The following CANX variants were observed in gnomAD, a reference collection of about 807,000 sequenced individuals.
CANX encodes the protein epididymis secretory sperm binding protein.
In CANX, 14 loss-of-function variants were observed where a neutral mutation model predicts 75.7. The ratio of observed to expected loss-of-function variants is 0.19; its 90% confidence interval spans 0.12 to 0.29. CANX has a LOEUF of 0.29. Ranked by LOEUF, CANX falls within the 10% of genes least tolerant of loss-of-function variation. The pLI is 1.00. For synonymous variants in CANX, 227 were observed against 236.9 expected (o/e 0.96, Z 0.38); for missense variants, 567 against 713.2 (o/e 0.79, Z 2.34).
intron 7 of CANX, among the ~76,000 whole-genome samples, chr5:179,714,554 G>T (rs1777798464): frequency 6.8e-6 from 1 of 147,692 alleles, no homozygotes; most frequent in Admixed American, 6.8e-5. Context: ...GTCTCGCTCT[G>T]TCTCCCAGAC....
chr5:179,688,183 G>A (rs569916675), intron 1 of CANX, among the ~76,000 whole-genome samples: 4 of 141,928 alleles, frequency 2.8e-5, no homozygotes, highest in Non-Finnish European at 4.6e-5. Flanking sequence ...TCAGCCTCCC[G>A]AGTAGCTGGG....
chr5:179,720,604 G>A (rs1345763658), intron 10 of CANX, 44 bp downstream of exon 10: 1 of 1,577,628 alleles, frequency 6.3e-7, no homozygotes, highest in Non-Finnish European at 8.7e-7. Flanking sequence ...TAATCTGTTT[G>A]TATTCAGATA....
chr5:179,728,693 A>T lies in CANX; in HGVS notation c.*49A>T. 7.3e-7 allele frequency: 1 copy of T among 1,374,852 alleles called. No homozygotes were observed. Among genetic ancestry groups the T allele is most frequent in the Non-Finnish European group, 1.0e-6 (1 of 963,696 alleles). 85.2% of individuals were successfully genotyped at this position (1,374,852 alleles called of 1,614,324 possible). On this transcript the variant is annotated 3_prime_UTR_variant, in exon 15 of 15. Coordinates refer to ENST00000247461, the MANE Select transcript of CANX (RefSeq NM_001746.4). ...TGATTTCTTCTCCCTCCTCCCCTGC[A>T]AGAGTGGTCCTAGGAGAGGACCTGG... is the stretch of plus-strand genomic sequence containing the variant.
chr5:179,694,453 G>C (rs147460829), upstream of CANX: 1,438 of 699,922 alleles, frequency 2.1e-3, 15 homozygotes, highest in African/African-American at 0.022. Context: ...AAGGATCCTA[G>C]TGCCCCCAAA....
chr5:179,722,999 G>A lies in CANX; in HGVS notation c.1378G>A (p.Ala460Thr), dbSNP rs146501349. Residue 460 changes from alanine (A) to threonine (T), a missense_variant, in exon 11 of 15, where the codon GCT becomes ACT. Physicochemically the swap from Ala to Thr is moderately conservative, Grantham distance 58. Coordinates refer to ENST00000247461, the MANE Select transcript of CANX (RefSeq NM_001746.4). ...CAATGATGGATGGGGCCTGAAGAAA[G>A]CTGCTGATGGGGCTGCTGAGGTTCG... ...WANDGWGLKK[A>T]ADGAAEPGVV... The A allele has an allele frequency of 1.8e-5, 29 of 1,613,918 alleles. No homozygotes were observed. Among genetic ancestry groups the A allele is most frequent in the Middle Eastern group, 1.6e-4 (1 of 6,084 alleles).
intron 1 of CANX, among the ~76,000 whole-genome samples, chr5:179,703,114 T>C (rs747134684): frequency 1.4e-4 from 21 of 152,078 alleles, no homozygotes; most frequent in Non-Finnish European, 2.6e-4. Flanking sequence ...GGTTTTGCCA[T>C]GTTGGCCAGG....
At chr5:179,719,082 C>T (rs1778147514) in intron 8 of CANX, among the ~76,000 whole-genome samples, 1 of 152,190 alleles carries the variant, frequency 6.6e-6, no homozygotes, top group Admixed American at 6.5e-5. Flanking sequence ...AGGCATGAGC[C>T]ACTCTGTCTA....
intron 10 of CANX, among the ~76,000 whole-genome samples, chr5:179,722,550 C>T (rs1454778851): frequency 6.6e-6 from 1 of 152,184 alleles, no homozygotes; most frequent in Non-Finnish European, 1.5e-5. Context: ...GGGCCAGGAA[C>T]TTGAGGGGTT....
chr5:179,689,655 G>A (rs578059753), intron 1 of CANX, among the ~76,000 whole-genome samples: 2 of 152,212 alleles, frequency 1.3e-5, no homozygotes, highest in South Asian at 4.1e-4. Flanking sequence ...CTCCCAAAGT[G>A]TTGGGATTAC....
intron 1 of CANX, among the ~76,000 whole-genome samples, chr5:179,689,450 C>T (rs923217020): frequency 7.6e-6 from 1 of 132,364 alleles, no homozygotes; most frequent in Admixed American, 9.0e-5. Context: ...TGTAATGGCG[C>T]AATCTTGGCT....
intron 1 of CANX, among the ~76,000 whole-genome samples, chr5:179,703,162 C>T (rs771198588): frequency 1.3e-5 from 2 of 151,980 alleles, no homozygotes; most frequent in East Asian, 1.9e-4. Flanking sequence ...ATCTGCCTGC[C>T]TTGGACTCCC....
At chr5:179,691,352 C>G (rs920357311) in intron 1 of CANX, among the ~76,000 whole-genome samples, 10 of 152,084 alleles carry the variant, frequency 6.6e-5, no homozygotes, top group African/African-American at 2.4e-4. Context: ...CACTGTGTGG[C>G]TGGTTAATAT....
intron 1 of CANX, among the ~76,000 whole-genome samples, chr5:179,705,055 T>G (rs1486020506): frequency 6.6e-6 from 1 of 151,936 alleles, no homozygotes; most frequent in Admixed American, 6.6e-5. Context: ...TGTAGTGGCG[T>G]GCTCACTGCA....
chr5:179,717,192 T>G (rs1054135080), intron 8 of CANX, among the ~76,000 whole-genome samples: 1 of 152,174 alleles, frequency 6.6e-6, no homozygotes, highest in African/African-American at 2.4e-5. Flanking sequence ...TAGATTATCT[T>G]TTTCCTCCTT....
In CANX at chr5:179,705,706, A is replaced by G. The variant is rs1323578074; in HGVS notation, c.25A>G (p.Met9Val). The change falls in exon 2 of 15, where the codon ATG (methionine) becomes GTG (valine). Residue 9 changes from methionine (M) to valine (V), a missense_variant. Around this residue, in one of 3 missense-constraint regions of CANX, gnomAD observed 351 missense variants for 433.8 expected, o/e 0.81. Coordinates refer to ENST00000247461, the MANE Select transcript of CANX (RefSeq NM_001746.4). ...CATGGAAGGGAAGTGGTTGCTGTGT[A>G]TGTTACTGGTGCTTGGAACTGCTAT... MEGKWLLCMLLVLGTAIVE... is the reference protein window; with the variant it reads MEGKWLLCVLLVLGTAIVE... 6 of 1,611,192 alleles carry G rather than the reference A, an allele frequency of 3.7e-6. No individual in the cohort carries two copies. The highest frequency in any genetic ancestry group is 1.3e-5 in the African/African-American group (1 of 74,108).
At position 179,731,213 on chromosome 5, in the gene CANX, A is replaced by C. The variant is rs945978586; in HGVS notation, c.*2569A>C. Among the ~76,000 whole-genome samples, 9 of 152,214 alleles carry C rather than the reference A, an allele frequency of 5.9e-5. No individual in the cohort carries two copies. Among genetic ancestry groups the C allele is most frequent in the African/African-American group, 1.2e-4 (5 of 41,452 alleles). Reference sequence around the variant, plus strand: ...GGAGGGAATGCTACTGATAATTTGTAGATAATATTCTTTAAGACTTAGGGG... The same window carrying C: ...GGAGGGAATGCTACTGATAATTTGTCGATAATATTCTTTAAGACTTAGGGG... On this transcript the variant is annotated 3_prime_UTR_variant, in exon 15 of 15. Transcript: ENST00000247461.
intron 10 of CANX, 96 bp from the exon 11 acceptor site, chr5:179,722,708 T>C: frequency 1.4e-6 from 1 of 728,400 alleles, no homozygotes; most frequent in South Asian, 1.8e-5. Flanking sequence ...GGCATTTCTC[T>C]CCATTGTTCA....
chr5:179,720,480 G>A lies in CANX; in HGVS notation c.1102G>A (p.Val368Ile), dbSNP rs199941318. The change falls in exon 10 of 15, where the codon GTC becomes ATC. Residue 368 changes from valine to isoleucine, a missense_variant. Coordinates refer to ENST00000247461, the MANE Select transcript of CANX (RefSeq NM_001746.4). ...PRCESAPGCG[V>I]WQRPVIDNPN... ...ATGTGAGTCAGCTCCTGGATGTGGT[G>A]TCTGGCAGCGACCTGTGATTGACAA... 8.8e-5 allele frequency: 142 copies of A among 1,613,892 alleles called. No individual in the cohort carries two copies. The highest frequency in any genetic ancestry group is 1.6e-4 in the Middle Eastern group (1 of 6,084).
chr5:179,700,036 C>T (rs1275964599), intron 1 of CANX: 1 of 152,218 alleles, frequency 6.6e-6, no homozygotes, highest in Non-Finnish European at 1.5e-5. Flanking sequence ...CATTTAGTAA[C>T]TGCTCGATGA....
Sources: allele counts gnomAD v4.1 joint callset (sites outside exome capture counted in the v4.1 genomes callset), GRCh38; gene constraint gnomAD v4.1.1; regional missense constraint gnomAD v4.1.1; transcripts MANE v1.5; gene names NCBI Gene and HGNC (gene_info 2026-07-23, HGNC 2026-07-21).